The following ZC3H12B variants were observed in gnomAD, a reference collection of about 807,000 sequenced individuals.
The protein encoded by ZC3H12B is zinc finger CCCH-type containing 12B.
In ZC3H12B, 7 loss-of-function variants were observed where a neutral mutation model predicts 43.9. The observed-to-expected ratio is 0.16, with a 90% CI of 0.09 to 0.30. ZC3H12B has a LOEUF of 0.30. Among genes scored for constraint, ZC3H12B ranks in the 10% least tolerant of loss-of-function variants. The pLI is 1.00. For synonymous variants in ZC3H12B, 222 were observed against 241.7 expected (o/e 0.92, Z 0.76); for missense variants, 475 against 670.2 (o/e 0.71, Z 3.22).
the ZC3H12B span, among the ~76,000 whole-genome samples, chrX:65,154,673 A>AC: frequency 9.0e-6 from 1 of 110,732 alleles, no homozygotes; most frequent in African/African-American, 3.3e-5. Flanking sequence ...ATGATGTGAG[A>AC]CCCCCATCTC....
chrX:65,195,335 T>C, the ZC3H12B span, among the ~76,000 whole-genome samples: 1 of 111,522 alleles, frequency 9.0e-6, no homozygotes, highest in South Asian at 3.7e-4. Flanking sequence ...TCTTTGTGGG[T>C]TTTTTGATTT....
the ZC3H12B span, among the ~76,000 whole-genome samples, chrX:65,354,006 C>T: frequency 9.0e-6 from 1 of 111,700 alleles, no homozygotes; most frequent in Non-Finnish European, 1.9e-5. Flanking sequence ...TGGGACAGAG[C>T]ACCTAGGGGA....
At chrX:65,195,846 GT>G in the ZC3H12B span, among the ~76,000 whole-genome samples, 18 of 112,511 alleles carry the variant, frequency 1.6e-4, no homozygotes, top group African/African-American at 5.5e-4. Flanking sequence ...GTTGGCAGAA[GT>G]TTATTGCCCC....
At chrX:65,296,591 T>A in the ZC3H12B span, among the ~76,000 whole-genome samples, 1 of 111,353 alleles carries the variant, frequency 9.0e-6, no homozygotes, top group African/African-American at 3.3e-5. Flanking sequence ...TGAAAACTGG[T>A]AGCAATTCTA....
At chrX:65,308,377 G>A in the ZC3H12B span, among the ~76,000 whole-genome samples, 2 of 110,720 alleles carry the variant, frequency 1.8e-5, no homozygotes, top group Admixed American at 9.7e-5. Flanking sequence ...AACCAACAAA[G>A]ATCAAAAGAG....
chrX:65,396,279 G>A (rs1420716490), intron 2 of ZC3H12B, among the ~76,000 whole-genome samples: 1 of 111,967 alleles, frequency 8.9e-6, no homozygotes, highest in African/African-American at 3.2e-5. Context: ...ATGTCAGGGT[G>A]TTGATTTTAG....
At chrX:65,207,703 A>G in the ZC3H12B span, among the ~76,000 whole-genome samples, 5 of 90,915 alleles carry the variant, frequency 5.5e-5, no homozygotes, top group Non-Finnish European at 8.6e-5. Context: ...GTTTTTTCCA[A>G]TTCTGTGAAG....
the ZC3H12B span, among the ~76,000 whole-genome samples, chrX:65,152,615 C>T: frequency 9.0e-6 from 1 of 111,523 alleles, no homozygotes; most frequent in Non-Finnish European, 1.9e-5. Flanking sequence ...ACATTCCATG[C>T]TCATGGGTAG....
chrX:65,318,183 A>ATTT, the ZC3H12B span, among the ~76,000 whole-genome samples: 282 of 96,963 alleles, frequency 2.9e-3, 2 homozygotes, highest in South Asian at 0.01. Flanking sequence ...GCCAACATGT[A>ATTT]TTTTTTTTTT....
chrX:65,316,274 T>A, the ZC3H12B span, among the ~76,000 whole-genome samples: 1 of 111,913 alleles, frequency 8.9e-6, no homozygotes, highest in African/African-American at 3.2e-5. Flanking sequence ...ACATGAAAAC[T>A]TTCCCAATCT....
At chrX:65,393,961 C>CT (rs1322077448) in intron 2 of ZC3H12B, among the ~76,000 whole-genome samples, 1 of 112,369 alleles carries the variant, frequency 8.9e-6, no homozygotes, top group Admixed American at 9.4e-5. Flanking sequence ...TGATGATGAG[C>CT]TTTTTTTCAT....
the ZC3H12B span, among the ~76,000 whole-genome samples, chrX:65,294,122 A>G: frequency 8.9e-6 from 1 of 111,790 alleles, no homozygotes; most frequent in South Asian, 3.7e-4. Flanking sequence ...CATGTAACCT[A>G]TAAAGGAAAA....
At chrX:65,397,168 C>T (rs1452064558) in intron 2 of ZC3H12B, among the ~76,000 whole-genome samples, 1 of 111,770 alleles carries the variant, frequency 8.9e-6, no homozygotes, top group African/African-American at 3.3e-5. Context: ...CAGTCTGTGT[C>T]TTTTAATTTG....
intron 3 of ZC3H12B, among the ~76,000 whole-genome samples, chrX:65,423,014 G>A (rs1297037543): frequency 3.3e-5 from 3 of 91,839 alleles, no homozygotes; most frequent in Non-Finnish European, 6.1e-5. Context: ...CTCACTGCAA[G>A]CTCCACCTCC....
At chrX:65,454,450 C>G (rs1236340162) in intron 3 of ZC3H12B, among the ~76,000 whole-genome samples, 3 of 112,086 alleles carry the variant, frequency 2.7e-5, no homozygotes. Flanking sequence ...CCACCATTGC[C>G]GAGGCTTGAG....
chrX:65,289,094 A>G, the ZC3H12B span, among the ~76,000 whole-genome samples: 7 of 111,426 alleles, frequency 6.3e-5, no homozygotes, highest in African/African-American at 9.8e-5. Context: ...ACTGAATATG[A>G]CATAATCAAA....
the ZC3H12B span, among the ~76,000 whole-genome samples, chrX:65,234,354 A>T: frequency 8.9e-6 from 1 of 112,037 alleles, no homozygotes; most frequent in African/African-American, 3.2e-5. Flanking sequence ...CAGAAGGAAC[A>T]TACCACCATA....
At chrX:65,043,052 T>A in the ZC3H12B span, among the ~76,000 whole-genome samples, 1 of 111,734 alleles carries the variant, frequency 8.9e-6, no homozygotes, top group Non-Finnish European at 1.9e-5. Flanking sequence ...ATCTACGAAT[T>A]CCAATTCTCA....
the ZC3H12B span, among the ~76,000 whole-genome samples, chrX:65,263,094 G>A: frequency 0.018 from 2,025 of 110,742 alleles, 57 homozygotes; most frequent in African/African-American, 0.063. Context: ...CCTTTAAAAT[G>A]GGATAATATT....
Sources: gnomAD v4.1 joint callset for allele counts (sites outside exome capture counted in the v4.1 genomes callset) on GRCh38, gnomAD v4.1.1 for gene constraint, MANE v1.5 for transcripts, NCBI Gene and HGNC (gene_info 2026-07-23, HGNC 2026-07-21) for gene names.